Variants in LGMN observed in about 807,000 individuals in gnomAD.
LGMN encodes legumain, also known as asparaginyl endopeptidase.
In LGMN, 36 loss-of-function variants were observed where a neutral mutation model predicts 56.8. The observed-to-expected ratio is 0.63, with a 90% confidence interval of 0.49 to 0.84. The LOEUF (loss-of-function observed/expected upper bound fraction) is 0.84. Among genes scored for constraint, LGMN ranks in the 40% least tolerant of loss-of-function variants. The probability of loss-of-function intolerance (pLI) is 0.00; values close to 1 mark genes in which losing one functional copy is unlikely to be tolerated. For missense variants in LGMN, 446 were observed against 556.1 expected (o/e 0.80, Z 1.99); for synonymous variants, 199 against 210.1 (o/e 0.95, Z 0.46).
intron 11 of LGMN, among the ~76,000 whole-genome samples, chr14:92,708,277 G>A (rs1363086056): frequency 1.3e-5 from 2 of 151,994 alleles, no homozygotes; most frequent in South Asian, 2.1e-4. Context: ...ATGAACAAAA[G>A]CTCTTTGGGA....
Position 92,710,362 on chromosome 14 carries a change from C to T in LGMN, c.820-490G>A, listed in dbSNP as rs147874038. On this transcript the variant is annotated intron_variant, in intron 10 of 13. Transcript: ENST00000334869. ...CACTCACCTGCAAGTCCCTAAGGAC[C>T]AGTAGTGGGAAGGTACAAAGCATCT... 6.5e-3 allele frequency among the ~76,000 whole-genome samples: 997 copies of T among 152,318 alleles called. 13 individuals are homozygous for T. Among genetic ancestry groups the T allele is most frequent in the African/African-American group, 0.023 (972 of 41,582 alleles).
intron 1 of LGMN, among the ~76,000 whole-genome samples, chr14:92,734,105 T>C (rs1263181650): frequency 1.3e-5 from 2 of 152,256 alleles, no homozygotes; most frequent in African/African-American, 4.8e-5. Flanking sequence ...CATTAATTCA[T>C]GTTGTCTTTG....
At chr14:92,731,098 T>C (rs377530854) in intron 2 of LGMN, among the ~76,000 whole-genome samples, 12 of 152,166 alleles carry the variant, frequency 7.9e-5, no homozygotes, top group East Asian at 3.9e-4. Flanking sequence ...TTGGGCAAAC[T>C]ACTGACCTTG....
At chr14:92,718,104 T>C (rs920313272) in intron 3 of LGMN, among the ~76,000 whole-genome samples, 1 of 152,136 alleles carries the variant, frequency 6.6e-6, no homozygotes, top group African/African-American at 2.4e-5. Context: ...ACAAAAACAT[T>C]CTACGTGCAG....
At position 92,713,810 on chromosome 14, in the gene LGMN, A is replaced by G. The variant is rs1889921214; in HGVS notation, c.543+13T>C. 1.9e-6 allele frequency: 3 copies of G among 1,604,102 alleles called. No individual in the cohort carries two copies. Among genetic ancestry groups the G allele is most frequent in the South Asian group, 1.1e-5 (1 of 90,846 alleles). On this transcript the variant is annotated intron_variant, in intron 7 of 13. Transcript: ENST00000334869. ...CCCCCGCCCCCACAAGGCTGCCCCA[A>G]GGGCTGAATTACCTTTCGGTACATT...
intron 1 of LGMN, among the ~76,000 whole-genome samples, chr14:92,735,850 G>T (rs2140270009): frequency 6.6e-6 from 1 of 151,570 alleles, no homozygotes; most frequent in Non-Finnish European, 1.5e-5. Context: ...ATAACAGATA[G>T]GTCAGTGGAG....
intron 12 of LGMN, among the ~76,000 whole-genome samples, chr14:92,705,502 A>AAAAC (rs34683271): frequency 0.37 from 55,378 of 150,606 alleles, 10,823 homozygotes; most frequent in Admixed American, 0.48. Flanking sequence ...AACTGTGTCT[A>AAAAC]AAACAAACAA....
At chr14:92,718,991 C>T in intron 2 of LGMN, 147 bp from the exon 3 acceptor site, 2 of 581,300 alleles carry the variant, frequency 3.4e-6, no homozygotes, top group Admixed American at 3.0e-5. Context: ...AAAACACATA[C>T]ATTGATATTT....
At chr14:92,729,303 C>T (rs1201148298) in intron 2 of LGMN, among the ~76,000 whole-genome samples, 1 of 151,512 alleles carries the variant, frequency 6.6e-6, no homozygotes, top group African/African-American at 2.4e-5. Flanking sequence ...TGCTTGGCTG[C>T]TCCCTTCTCC....
chr14:92,709,727 G>C lies in LGMN; in HGVS notation c.965C>G (p.Thr322Ser). ...CTGCCTGGACTCCTCCAGATCATTG[G>C]TGTTCATCAGTTTCCTTTTCATGAT... is the stretch of plus-strand genomic sequence containing the variant. ...LTIMKRKLMN[T>S]NDLEESRQLT... The change falls in exon 11 of 14, where the codon ACC becomes AGC. Residue 322 changes from threonine (T) to serine (S), a missense_variant. Coordinates refer to ENST00000334869, the MANE Select transcript of LGMN (RefSeq NM_005606.7). 6.2e-7 allele frequency: 1 copy of C among 1,614,062 alleles called. No individual in the cohort carries two copies.
At chr14:92,717,491 G>A (rs934675051) in intron 3 of LGMN, 30 bp from the exon 4 acceptor site, 18 of 1,478,238 alleles carry the variant, frequency 1.2e-5, no homozygotes, top group South Asian at 5.7e-5. Flanking sequence ...ATTTAAACGA[G>A]ATGTGGCATG....
At chr14:92,737,254 C>T (rs1471182250) in intron 1 of LGMN, among the ~76,000 whole-genome samples, 4 of 152,114 alleles carry the variant, frequency 2.6e-5, no homozygotes, top group Non-Finnish European at 1.5e-5. Flanking sequence ...TCTGGTTCCC[C>T]GCTTCCTGCT....
intron 1 of LGMN, among the ~76,000 whole-genome samples, chr14:92,734,317 G>A (rs553707241): frequency 2.0e-5 from 3 of 152,148 alleles, no homozygotes; most frequent in Admixed American, 6.5e-5. Context: ...GCTCTCCATC[G>A]CAAGACTTTA....
At chr14:92,705,071 G>A (rs966457865) in intron 12 of LGMN, among the ~76,000 whole-genome samples, 3 of 152,236 alleles carry the variant, frequency 2.0e-5, no homozygotes, top group Admixed American at 6.5e-5. Context: ...GATGGACGGC[G>A]TGTGAAAGCC....
intron 1 of LGMN, among the ~76,000 whole-genome samples, chr14:92,745,873 G>A (rs1037988342): frequency 2.6e-5 from 4 of 151,792 alleles, no homozygotes; most frequent in Non-Finnish European, 4.4e-5. Flanking sequence ...CCAGGCTGGA[G>A]TGCAGTGGCG....
intron 2 of LGMN, among the ~76,000 whole-genome samples, chr14:92,721,649 A>T (rs1301184184): frequency 6.6e-6 from 1 of 152,218 alleles, no homozygotes; most frequent in Non-Finnish European, 1.5e-5. Context: ...ACTCCTAGCC[A>T]TATAGCCTAG....
Position 92,716,211 on chromosome 14 carries a change from G to A in LGMN, c.329C>T (p.Pro110Leu). 1 of 1,612,614 alleles carries A rather than the reference G, an allele frequency of 6.2e-7. No individual in the cohort carries two copies. Among genetic ancestry groups the A allele is most frequent in the Non-Finnish European group, 8.5e-7 (1 of 1,178,756 alleles). ...PKDYTGEDVT[P>L]QNFLAVLRGD... ...TCTCAACACAGCAAGGAAATTTTGT[G>A]GGGTAACATCCTACAAAGAATTAGG... The change falls in exon 5 of 14, where the codon CCA becomes CTA. Residue 110 changes from proline (P) to leucine (L), a missense_variant. Coordinates refer to ENST00000334869, the MANE Select transcript of LGMN (RefSeq NM_005606.7).
At chr14:92,735,077 T>C (rs376095716) in intron 1 of LGMN, among the ~76,000 whole-genome samples, 3 of 132,256 alleles carry the variant, frequency 2.3e-5, no homozygotes, top group South Asian at 5.3e-4. Context: ...TTTCCTCCAG[T>C]AACTAAATAG....
intron 5 of LGMN, among the ~76,000 whole-genome samples, chr14:92,715,096 T>C (rs952259820): frequency 6.6e-6 from 1 of 151,664 alleles, no homozygotes; most frequent in East Asian, 1.9e-4. Flanking sequence ...CCTCCCAGGT[T>C]AAAGCAGTTC....
Sources: gnomAD v4.1 joint callset for allele counts (sites outside exome capture counted in the v4.1 genomes callset) on GRCh38, gnomAD v4.1.1 for gene constraint, MANE v1.5 for transcripts, NCBI Gene and HGNC (gene_info 2026-07-23, HGNC 2026-07-21) for gene names.